The following STAT5B variants were observed in gnomAD, a reference collection of about 807,000 sequenced individuals.
STAT5B encodes the protein transcription factor STAT5B.
A neutral mutation model predicts 107.8 loss-of-function variants in STAT5B; 21 were observed. The ratio of observed to expected loss-of-function variants is 0.19; its 90% CI spans 0.14 to 0.28. STAT5B has a LOEUF of 0.28. STAT5B is among the 10% of genes least tolerant of loss of function. STAT5B has a pLI of 1.00. For synonymous variants in STAT5B, 325 were observed against 401.7 expected, an observed-to-expected ratio of 0.81 and a Z score of 2.28; for missense variants, 565 against 1,008.2, an observed-to-expected ratio of 0.56 and a Z score of 5.95.
rs1158851813 is a variant in STAT5B, at chr17:42,219,712, C to T, written c.681G>A (p.Val227=). Reference sequence around the variant, plus strand: ...AGGAGAGGCCCAGGACCCCACTCACCACGCGGTACTGCTGCAGTGTCTGTG... The same window carrying T: ...AGGAGAGGCCCAGGACCCCACTCACTACGCGGTACTGCTGCAGTGTCTGTG... ...REAQTLQQYR[V]ELAEKHQKTL... Residue 227 remains valine, a splice_region_variant and synonymous_variant, in exon 6 of 19, where the codon GTG becomes GTA. Coordinates refer to ENST00000293328, the MANE Select transcript of STAT5B (RefSeq NM_012448.4). 1 of 1,604,462 alleles carries T rather than the reference C, an allele frequency of 6.2e-7. No individual in the cohort carries two copies. Among genetic ancestry groups the T allele is most frequent in the African/African-American group, 1.4e-5 (1 of 73,772 alleles).
At chr17:42,214,151 T>TAA (rs943535715) in intron 12 of STAT5B, 87 of 704,118 alleles carry the variant, frequency 1.2e-4, no homozygotes, top group African/African-American at 3.0e-4. Flanking sequence ...TCAAAAAAAT[T>TAA]AAAAAAAAAA....
intron 16 of STAT5B, 36 bp downstream of exon 16, chr17:42,207,515 ACACACAC>A: frequency 6.2e-7 from 1 of 1,604,434 alleles, no homozygotes; most frequent in Non-Finnish European, 8.5e-7. Flanking sequence ...ACACACACAC[ACACACAC>A]ACAACAAAAT....
chr17:42,246,153 T>A (rs1243221424), intron 1 of STAT5B, among the ~76,000 whole-genome samples: 1 of 152,128 alleles, frequency 6.6e-6, no homozygotes, highest in African/African-American at 2.4e-5. Context: ...ACTTAAGATA[T>A]AAATTTAATA....
intron 5 of STAT5B, among the ~76,000 whole-genome samples, chr17:42,221,056 T>C (rs1274164643): frequency 2.0e-5 from 3 of 152,080 alleles, no homozygotes; most frequent in Non-Finnish European, 4.4e-5. Flanking sequence ...GGCTGGCCCC[T>C]GAGGGCCACG....
chr17:42,220,268 C>T (rs1032041450), intron 5 of STAT5B, among the ~76,000 whole-genome samples: 2 of 152,316 alleles, frequency 1.3e-5, no homozygotes, highest in South Asian at 2.1e-4. Context: ...ACGTGTAAAA[C>T]GGGAGATTCT....
intron 11 of STAT5B, among the ~76,000 whole-genome samples, chr17:42,216,761 G>A (rs1598301653): frequency 6.6e-6 from 1 of 151,708 alleles, no homozygotes; most frequent in Non-Finnish European, 1.5e-5. Context: ...CACAATCTCG[G>A]TTCATTACAA....
chr17:42,232,553 T>C (rs1241198078), intron 1 of STAT5B, among the ~76,000 whole-genome samples: 19 of 152,150 alleles, frequency 1.2e-4, no homozygotes, highest in Admixed American at 1.2e-3. Context: ...TTGGCCAAAG[T>C]AAATGTTTTT....
rs371149930 is a variant in STAT5B, at chr17:42,265,377, C to CTTTTTTTT, written c.-11+10863_-11+10870dup. On this transcript the variant is annotated intron_variant, in intron 1 of 18. Transcript: ENST00000293328. ...GCTAAGTCAAAGGGTATGTACTCTT[C>CTTTTTTTT]TTTTTTTTTTTTGAGACGAAGTCTC... Among the ~76,000 whole-genome samples the CTTTTTTTT allele has an allele frequency of 3.0e-3, 335 of 110,582 alleles. 41 individuals carry two copies. Among genetic ancestry groups the CTTTTTTTT allele is most frequent in the African/African-American group, 0.01 (286 of 27,682 alleles). The allele number at this position is 110,582 out of a possible 152,430, so 72.5% of individuals were successfully genotyped here. A position where few individuals can be genotyped will look rare whatever the true frequency, so the allele number is the denominator to read the frequency against.
Position 42,219,469 on chromosome 17 carries a change from G to A in STAT5B, c.682-6C>T. On this transcript the variant is annotated splice_region_variant and splice_polypyrimidine_tract_variant and intron_variant, in intron 6 of 18. Transcript: ENST00000293328. ...TGGTGCTTCTCGGCCAGCTCCTGAG[G>A]GAAGGGAGGAGAGCAGCCCCTTCTG... The A allele has an allele frequency of 1.4e-6, 2 of 1,395,882 alleles. No individual in the cohort carries two copies. The highest frequency in any genetic ancestry group is 1.3e-5 in the South Asian group (1 of 75,224). 86.5% of individuals were successfully genotyped at this position (1,395,882 alleles called of 1,614,324 possible).
intron 15 of STAT5B, among the ~76,000 whole-genome samples, chr17:42,208,793 G>C (rs141225818): frequency 6.6e-6 from 1 of 151,444 alleles, no homozygotes; most frequent in Non-Finnish European, 1.5e-5. Context: ...GTGCAGTGGC[G>C]CGATCTCGGC....
chr17:42,200,225 AAT>A lies in STAT5B; in HGVS notation c.*1511_*1512del, dbSNP rs1465543707. ...ATTCAGAAGTTATTTTTGTAAAAAA[AAT>A]ATGTTTATTTACTCTCATGTATAAA... On this transcript the variant is annotated 3_prime_UTR_variant, in exon 19 of 19. Coordinates refer to ENST00000293328, the MANE Select transcript of STAT5B (RefSeq NM_012448.4). 3 of 152,738 alleles carry A rather than the reference AAT, an allele frequency of 2.0e-5. No individual in the cohort carries two copies. The highest frequency in any genetic ancestry group is 6.5e-5 in the Admixed American group (1 of 15,272). The allele number at this position is 152,738 out of a possible 1,614,324, so 9.5% of individuals were successfully genotyped here. A position where few individuals can be genotyped will look rare whatever the true frequency, so the allele number is the denominator to read the frequency against.
intron 1 of STAT5B, among the ~76,000 whole-genome samples, chr17:42,253,311 C>G (rs1021418813): frequency 2.0e-5 from 3 of 152,192 alleles, no homozygotes; most frequent in East Asian, 1.9e-4. Flanking sequence ...TGGATGTCCC[C>G]TATCTCTGCC....
intron 1 of STAT5B, chr17:42,269,513 T>G (rs945703052): frequency 2.0e-5 from 3 of 152,218 alleles, no homozygotes; most frequent in South Asian, 4.1e-4. Context: ...AATTGTAGGA[T>G]CTCACTGACA....
chr17:42,288,316 G>T, the STAT5B span: 2 of 152,188 alleles, frequency 1.3e-5, no homozygotes, highest in Admixed American at 1.3e-4. The surrounding 1 kb of genome is among the most constrained non-coding windows in gnomAD (Gnocchi z 4.8). Flanking sequence ...CACGCCCGGC[G>T]CCGCCCGCCG....
chr17:42,238,510 A>G (rs1207918138), intron 1 of STAT5B, among the ~76,000 whole-genome samples: 5 of 143,738 alleles, frequency 3.5e-5, no homozygotes, highest in Non-Finnish European at 6.0e-5. Flanking sequence ...GCTGGAGTGC[A>G]GTGGCGTGAC....
intron 5 of STAT5B, among the ~76,000 whole-genome samples, chr17:42,222,737 A>C (rs932656991): frequency 6.7e-6 from 1 of 148,886 alleles, no homozygotes; most frequent in Non-Finnish European, 1.5e-5. Flanking sequence ...GCTGGAGTGC[A>C]ATGGTGAGAT....
Position 42,224,146 on chromosome 17 carries a change from TG to T in STAT5B, c.376-591del, listed in dbSNP as rs201591308. 4.0e-3 allele frequency among the ~76,000 whole-genome samples: 608 copies of T among 152,248 alleles called. 12 individuals are homozygous for T. Among genetic ancestry groups the T allele is most frequent in the Admixed American group, 0.036 (544 of 15,294 alleles). On this transcript the variant is annotated intron_variant, in intron 4 of 18. Coordinates refer to ENST00000293328, the MANE Select transcript of STAT5B (RefSeq NM_012448.4). ...TGTGGACCCAGCCCTGTAAGTGACC[TG>T]ATCAGACCACTCCTTCCACACCTGA...
rs142143539 is a variant in STAT5B, at chr17:42,225,700, T to A, written c.286-832A>T. The stretch of plus-strand genomic sequence containing the variant: ...ACTATCTAATACAAAAGAAATGCTA[T>A]GTAAATAGCTGTTCTGTCATATCTT... On this transcript the variant is annotated intron_variant, in intron 3 of 18. Transcript: ENST00000293328. Among the ~76,000 whole-genome samples, 180 of 152,376 alleles carry A rather than the reference T, an allele frequency of 1.2e-3. 1 individual carries two copies. The highest frequency in any genetic ancestry group is 2.3e-3 in the Non-Finnish European group (155 of 68,036).
intron 1 of STAT5B, among the ~76,000 whole-genome samples, chr17:42,251,466 T>G (rs1209308036): frequency 6.6e-6 from 1 of 152,220 alleles, no homozygotes; most frequent in African/African-American, 2.4e-5. Flanking sequence ...GGCTTTCTAA[T>G]GGCAGAAAAC....
Sources: allele counts gnomAD v4.1 joint callset (sites outside exome capture counted in the v4.1 genomes callset), GRCh38; gene constraint gnomAD v4.1.1; non-coding constraint Gnocchi (gnomAD v3.1); transcripts MANE v1.5; gene names NCBI Gene and HGNC (gene_info 2026-07-23, HGNC 2026-07-21).